The following DNAAF10 variants were observed in gnomAD, a reference collection of about 807,000 sequenced individuals.
DNAAF10 encodes dynein axonemal assembly factor 10.
A neutral mutation model predicts 43.7 loss-of-function variants in DNAAF10; 28 were observed. The ratio of observed to expected loss-of-function variants is 0.64; its 90% CI spans 0.48 to 0.88. DNAAF10 has a LOEUF of 0.88. DNAAF10 is among the 40% of genes least tolerant of loss of function. DNAAF10 has a pLI of 0.00. For synonymous variants in DNAAF10, 156 were observed against 157.3 expected (o/e 0.99, Z 0.06); for missense variants, 403 against 439.1 (o/e 0.92, Z 0.73).
At position 68,130,115 on chromosome 2, in the gene DNAAF10, G is replaced by GAGATATATATATATATATATATATATAT. The variant is rs1453152500; in HGVS notation, c.*1122_*1123insATATATATATATATATATATATATATCT. The GAGATATATATATATATATATATATATAT allele has an allele frequency of 1.7e-4, 22 of 132,924 alleles. No homozygotes were observed. Among genetic ancestry groups the GAGATATATATATATATATATATATATAT allele is most frequent in the African/African-American group, 6.4e-4 (22 of 34,288 alleles). 8.2% of individuals were successfully genotyped at this position (132,924 alleles called of 1,614,324 possible). On this transcript the variant is annotated 3_prime_UTR_variant, in exon 8 of 8. Coordinates refer to ENST00000295121, the MANE Select transcript of DNAAF10 (RefSeq NM_138458.4). Reference sequence around the variant, plus strand: ...CAACCGTGCCGTTTTGAGAGAGAGAGATATATATATATATATTTGTTTTTT... The same window carrying GAGATATATATATATATATATATATATAT: ...CAACCGTGCCGTTTTGAGAGAGAGAGAGATATATATATATATATATATATATATATATATATATATATATTTGTTTTTT...
At chr2:68,151,598 A>G (rs915790266) in intron 1 of DNAAF10, among the ~76,000 whole-genome samples, 1 of 152,200 alleles carries the variant, frequency 6.6e-6, no homozygotes, top group African/African-American at 2.4e-5. Context: ...CAGGCATTCA[A>G]CATTTGTTGA....
chr2:68,144,456 A>C, intron 3 of DNAAF10, 129 bp downstream of exon 3: 1 of 1,201,130 alleles, frequency 8.3e-7, no homozygotes, highest in East Asian at 2.6e-5. Flanking sequence ...TTAAAAAAGT[A>C]GCAGCAAGAC....
chr2:68,140,328 A>G (rs1673148072), intron 4 of DNAAF10, among the ~76,000 whole-genome samples: 1 of 152,138 alleles, frequency 6.6e-6, no homozygotes, highest in Non-Finnish European at 1.5e-5. Context: ...TGATGTCCCA[A>G]AATGACCTTA....
At chr2:68,132,163 A>G (rs142033332) in intron 7 of DNAAF10, among the ~76,000 whole-genome samples, 1,659 of 152,350 alleles carry the variant, frequency 0.011, 17 homozygotes, top group Non-Finnish European at 0.015. Flanking sequence ...CTCCTCCCCA[A>G]TAGAGATGTG....
chr2:68,137,180 T>C (rs1558607365), intron 6 of DNAAF10, 119 bp downstream of exon 6: 1 of 1,165,758 alleles, frequency 8.6e-7, no homozygotes, highest in South Asian at 2.1e-5. Context: ...CACAGGAATA[T>C]ATCAAAAATA....
At chr2:68,134,644 A>C (rs1452756901) in intron 7 of DNAAF10, 58 bp downstream of exon 7, 8 of 1,579,746 alleles carry the variant, frequency 5.1e-6, no homozygotes, top group Non-Finnish European at 6.8e-6. Context: ...GTTCAATCTA[A>C]TCCTACTTTA....
chr2:68,144,198 T>C (rs1673258334), intron 3 of DNAAF10, among the ~76,000 whole-genome samples: 1 of 152,276 alleles, frequency 6.6e-6, no homozygotes, highest in Non-Finnish European at 1.5e-5. Context: ...GCTGTCAATA[T>C]GACAATTTTC....
At chr2:68,134,002 G>T in intron 7 of DNAAF10, 1 of 428,632 alleles carries the variant, frequency 2.3e-6, no homozygotes, top group Non-Finnish European at 3.1e-6. Context: ...TTTTTTCCCT[G>T]AGTGATGTTT....
intron 1 of DNAAF10, among the ~76,000 whole-genome samples, chr2:68,148,667 C>A (rs1338599462): frequency 6.6e-6 from 1 of 152,180 alleles, no homozygotes; most frequent in Non-Finnish European, 1.5e-5. Context: ...ATCTGTCCCA[C>A]ATCACACTCT....
intron 1 of DNAAF10, chr2:68,156,864 T>C (rs1349518068): frequency 4.5e-6 from 1 of 221,730 alleles, no homozygotes; most frequent in Non-Finnish European, 9.0e-6. Context: ...TATCGTTGCT[T>C]TGATTATTGA....
At chr2:68,148,373 C>G (rs1033414117) in intron 1 of DNAAF10, among the ~76,000 whole-genome samples, 1 of 152,164 alleles carries the variant, frequency 6.6e-6, no homozygotes, top group Admixed American at 6.5e-5. Flanking sequence ...AAAGAGGATA[C>G]AAAGATGAAT....
intron 6 of DNAAF10, 116 bp downstream of exon 6, chr2:68,137,183 C>A: frequency 8.2e-7 from 1 of 1,226,920 alleles, no homozygotes; most frequent in South Asian, 2.0e-5. Flanking sequence ...AGGAATATAT[C>A]AAAAATAGCT....
chr2:68,136,722 A>G (rs900541356), intron 6 of DNAAF10, among the ~76,000 whole-genome samples: 1 of 152,062 alleles, frequency 6.6e-6, no homozygotes, highest in Non-Finnish European at 1.5e-5. Context: ...TTTTTTTTAA[A>G]CCAGTATTTT....
chr2:68,142,047 T>A (rs1378001971), intron 3 of DNAAF10, among the ~76,000 whole-genome samples: 2 of 152,206 alleles, frequency 1.3e-5, no homozygotes, highest in Non-Finnish European at 1.5e-5. Context: ...GTTCCTAAGT[T>A]ATCTACGAGT....
rs963961938 is a variant in DNAAF10 at position 68,129,860 on chromosome 2, T to C, written c.*1378A>G. 5 of 152,064 alleles carry C rather than the reference T, an allele frequency of 3.3e-5. No homozygotes were observed. Among genetic ancestry groups the C allele is most frequent in the East Asian group, 3.8e-4 (2 of 5,196 alleles). 9.4% of individuals were successfully genotyped at this position (152,064 alleles called of 1,614,324 possible). On this transcript the variant is annotated 3_prime_UTR_variant, in exon 8 of 8. Coordinates refer to ENST00000295121, the MANE Select transcript of DNAAF10 (RefSeq NM_138458.4). ...GTTAAGGTAACAGAATCAAAGCTTCTGTAGATCTCAAAAACAGAAGTTTAT... is the reference window on the plus strand; with the variant it reads ...GTTAAGGTAACAGAATCAAAGCTTCCGTAGATCTCAAAAACAGAAGTTTAT...
At chr2:68,135,441 A>T (rs1357338180) in intron 6 of DNAAF10, among the ~76,000 whole-genome samples, 1 of 152,250 alleles carries the variant, frequency 6.6e-6, no homozygotes, top group Non-Finnish European at 1.5e-5. Flanking sequence ...CTAAAAGATT[A>T]AAAACCAGCA....
intron 3 of DNAAF10, among the ~76,000 whole-genome samples, chr2:68,143,380 G>A (rs959944534): frequency 2.6e-5 from 4 of 151,940 alleles, no homozygotes; most frequent in African/African-American, 7.3e-5. Flanking sequence ...ACAGGGTTTC[G>A]CTATGTTGCC....
chr2:68,151,973 C>A (rs1270041825), intron 1 of DNAAF10, among the ~76,000 whole-genome samples: 1 of 152,194 alleles, frequency 6.6e-6, no homozygotes, highest in Non-Finnish European at 1.5e-5. Flanking sequence ...CAGACTTTTT[C>A]CTCTAAACTA....
At chr2:68,144,789 T>C (rs1673275731) in intron 2 of DNAAF10, 74 bp from the exon 3 acceptor site, 12 of 1,498,930 alleles carry the variant, frequency 8.0e-6, no homozygotes, top group East Asian at 2.4e-5. Flanking sequence ...CAAAAAGATA[T>C]ATTATAGTTA....
Sources: allele counts gnomAD v4.1 joint callset (sites outside exome capture counted in the v4.1 genomes callset), GRCh38; gene constraint gnomAD v4.1.1; transcripts MANE v1.5; gene names NCBI Gene and HGNC (gene_info 2026-07-23, HGNC 2026-07-21).